SH3PXD2B: variants seen among roughly 807,000 people sequenced by gnomAD.
SH3PXD2B encodes the protein SH3 and PX domains 2B, also known as SH3 and PX domain-containing protein 2B.
A neutral mutation model predicts 73.1 loss-of-function variants in SH3PXD2B; 37 were observed. The ratio of observed to expected loss-of-function variants is 0.51; its 90% CI spans 0.39 to 0.67. The LOEUF (loss-of-function observed/expected upper bound fraction) is 0.67. Among genes scored for constraint, SH3PXD2B ranks in the 30% least tolerant of loss-of-function variants. SH3PXD2B has a pLI of 0.00. For missense variants in SH3PXD2B, 1,053 were observed against 1,197.8 expected (o/e 0.88, Z 1.78); for synonymous variants, 457 against 480.5 (o/e 0.95, Z 0.64).
intron 6 of SH3PXD2B, among the ~76,000 whole-genome samples, chr5:172,369,345 G>A (rs564434626): frequency 2.7e-4 from 41 of 152,196 alleles, no homozygotes; most frequent in African/African-American, 8.7e-4. Context: ...GATAGAGACT[G>A]TATGTGGCCT....
intron 2 of SH3PXD2B, among the ~76,000 whole-genome samples, chr5:172,418,512 A>C (rs1394774078): frequency 6.6e-6 from 1 of 152,202 alleles, no homozygotes; most frequent in Non-Finnish European, 1.5e-5. Flanking sequence ...TTACTTCTGA[A>C]AATACCAGGG....
intron 2 of SH3PXD2B, among the ~76,000 whole-genome samples, chr5:172,411,479 G>C (rs1003616945): frequency 6.6e-6 from 1 of 152,162 alleles, no homozygotes; most frequent in Non-Finnish European, 1.5e-5. Context: ...TGGCAGATCT[G>C]GGTTTAAATA....
chr5:172,429,004 A>C (rs1393604263), intron 1 of SH3PXD2B, among the ~76,000 whole-genome samples: 2 of 152,210 alleles, frequency 1.3e-5, no homozygotes, highest in African/African-American at 4.8e-5. Flanking sequence ...AAAGCCAATG[A>C]ACGCTTTACT....
intron 1 of SH3PXD2B, among the ~76,000 whole-genome samples, chr5:172,426,367 C>A (rs188458634): frequency 6.6e-6 from 1 of 152,338 alleles, no homozygotes; most frequent in Admixed American, 6.5e-5. Flanking sequence ...AGGCATTCAC[C>A]TCTCTGGCCA....
chr5:172,401,219 G>A (rs1460644820), intron 3 of SH3PXD2B, among the ~76,000 whole-genome samples: 2 of 152,148 alleles, frequency 1.3e-5, no homozygotes, highest in African/African-American at 2.4e-5. Context: ...GGAATACTTC[G>A]GATTTCTGTA....
chr5:172,336,344 T>G lies in SH3PXD2B; in HGVS notation c.*2025A>C. On this transcript the variant is annotated 3_prime_UTR_variant, in exon 13 of 13. Transcript: ENST00000311601. ...GGGACCCTCAAGCGGTGGCGGCCCTTCCCCACCTCCCTTCTTCCCCTGGCT... is the reference window on the plus strand; with the variant it reads ...GGGACCCTCAAGCGGTGGCGGCCCTGCCCCACCTCCCTTCTTCCCCTGGCT... The G allele has an allele frequency of 1.0e-6, 1 of 985,638 alleles. No individual in the cohort carries two copies. The allele number at this position is 985,638 out of a possible 1,614,324, so 61.1% of individuals were successfully genotyped here. A position where few individuals can be genotyped will look rare whatever the true frequency, so the allele number is the denominator to read the frequency against.
rs764870114 is a variant in SH3PXD2B, at chr5:172,350,520, C to T, written c.855G>A (p.Pro285=). 85 of 1,614,004 alleles carry T rather than the reference C, an allele frequency of 5.3e-5. 1 individual carries two copies. The South Asian group carries it at 5.6e-4, about 11-fold the overall frequency. ...GGGAGGGTGAGCCAGGGCCTGGCTTCGGGGGCAAGGGCTCCCCACTGTTCT... is the reference window on the plus strand; with the variant it reads ...GGGAGGGTGAGCCAGGGCCTGGCTTTGGGGGCAAGGGCTCCCCACTGTTCT... ...LKKNSGEPLP[P]KPGPGSPSHP... Residue 285 remains proline (P), a synonymous_variant, in exon 10 of 13, where the codon CCG becomes CCA. Coordinates refer to ENST00000311601, the MANE Select transcript of SH3PXD2B (RefSeq NM_001017995.3).
downstream of SH3PXD2B, among the ~76,000 whole-genome samples, chr5:172,329,134 G>A (rs1257456031): frequency 7.1e-6 from 1 of 140,062 alleles, no homozygotes; most frequent in African/African-American, 2.7e-5. Flanking sequence ...AGGCTGGAGT[G>A]CAGTGGTGCT....
chr5:172,427,000 C>G (rs1394973712), intron 1 of SH3PXD2B, among the ~76,000 whole-genome samples: 2 of 152,188 alleles, frequency 1.3e-5, no homozygotes, highest in African/African-American at 4.8e-5. Flanking sequence ...TTTTACATCC[C>G]CAACCCAGGT....
At chr5:172,364,809 T>C (rs569353264) in intron 6 of SH3PXD2B, among the ~76,000 whole-genome samples, 1 of 152,216 alleles carries the variant, frequency 6.6e-6, no homozygotes, top group East Asian at 1.9e-4. Context: ...TAGCTCGAAA[T>C]TGGCCATGGT....
rs1756647025 is a variant in SH3PXD2B at position 172,334,726 on chromosome 5, T to A, written c.*3643A>T. 2.0e-6 allele frequency: 2 copies of A among 985,472 alleles called. No individual in the cohort carries two copies. Among genetic ancestry groups the A allele is most frequent in the Non-Finnish European group, 2.4e-6 (2 of 829,962 alleles). 61.0% of individuals were successfully genotyped at this position (985,472 alleles called of 1,614,324 possible). A position where few individuals can be genotyped will look rare whatever the true frequency, so the allele number is the denominator to read the frequency against. On this transcript the variant is annotated 3_prime_UTR_variant, in exon 13 of 13. Coordinates refer to ENST00000311601, the MANE Select transcript of SH3PXD2B (RefSeq NM_001017995.3). ...GAGCAGTTTCTTCTTTTTCCCACTC[T>A]GTGCTGGGTACTTGGGAGAGGCGAA...
chr5:172,430,868 CTTTTT>C (rs5873323), intron 1 of SH3PXD2B, among the ~76,000 whole-genome samples: 1 of 149,526 alleles, frequency 6.7e-6, no homozygotes, highest in Non-Finnish European at 1.5e-5. Context: ...TTCTTTCTTT[CTTTTT>C]TTTTTTCTTT....
chr5:172,454,363 C>T lies in SH3PXD2B; in HGVS notation c.-11G>A. ...GCGCCGCGGCGGCATGGCCGCTCCT[C>T]CGCCCGCAGCGGGCCGAGCGCGGGT... On this transcript the variant is annotated 5_prime_UTR_variant, in exon 1 of 13. Coordinates refer to ENST00000311601, the MANE Select transcript of SH3PXD2B (RefSeq NM_001017995.3). The T allele has an allele frequency of 6.7e-7, 1 of 1,488,394 alleles. No individual in the cohort carries two copies. Among genetic ancestry groups the T allele is most frequent in the East Asian group, 2.8e-5 (1 of 35,914 alleles). The allele number at this position is 1,488,394 out of a possible 1,614,324, so 92.2% of individuals were successfully genotyped here.
intron 5 of SH3PXD2B, among the ~76,000 whole-genome samples, chr5:172,379,590 G>T (rs559040122): frequency 6.6e-6 from 1 of 152,286 alleles, no homozygotes; most frequent in African/African-American, 2.4e-5. Context: ...TGGGCATCTT[G>T]ATCAACTCTT....
intron 8 of SH3PXD2B, among the ~76,000 whole-genome samples, chr5:172,355,198 G>A (rs957077593): frequency 5.9e-5 from 9 of 152,254 alleles, no homozygotes; most frequent in East Asian, 3.9e-4. Flanking sequence ...ACCACATGCC[G>A]TCCGCGGCCT....
At chr5:172,361,846 G>C (rs570237656) in intron 7 of SH3PXD2B, among the ~76,000 whole-genome samples, 3 of 152,308 alleles carry the variant, frequency 2.0e-5, no homozygotes, top group African/African-American at 7.2e-5. Context: ...GATGATGTTA[G>C]AAACATCATC....
Position 172,373,257 on chromosome 5 carries a change from C to T in SH3PXD2B, c.427+533G>A, listed in dbSNP as rs1298010862. Among the ~76,000 whole-genome samples, 5 of 152,216 alleles carry T rather than the reference C, an allele frequency of 3.3e-5. No homozygotes were observed. In the East Asian group the frequency reaches 9.6e-4, roughly 29 times the overall value. On this transcript the variant is annotated intron_variant, in intron 6 of 12. Transcript: ENST00000311601. Reference sequence around the variant, plus strand: ...TGCTTCCCAGCCTGTGCCTGGCGATCCCCTCAGCCCGGGATGCCCCTCATT... The same window carrying T: ...TGCTTCCCAGCCTGTGCCTGGCGATTCCCTCAGCCCGGGATGCCCCTCATT...
chr5:172,342,489 G>A (rs1272024464), intron 12 of SH3PXD2B, among the ~76,000 whole-genome samples: 1 of 152,282 alleles, frequency 6.6e-6, no homozygotes, highest in African/African-American at 2.4e-5. Context: ...GGCCGGGCGC[G>A]GTGGCTCACA....
chr5:172,365,723 C>T (rs1757505952), intron 6 of SH3PXD2B, among the ~76,000 whole-genome samples: 1 of 152,232 alleles, frequency 6.6e-6, no homozygotes, highest in African/African-American at 2.4e-5. Flanking sequence ...TAACAATGAG[C>T]TTCTTGAGGG....
Sources: allele counts gnomAD v4.1 joint callset (sites outside exome capture counted in the v4.1 genomes callset), GRCh38; gene constraint gnomAD v4.1.1; transcripts MANE v1.5; gene names NCBI Gene and HGNC (gene_info 2026-07-23, HGNC 2026-07-21).